SYT9: variants seen among roughly 807,000 people sequenced by gnomAD.
SYT9 encodes synaptotagmin-9.
A neutral mutation model predicts 48.4 loss-of-function variants in SYT9; 22 were observed. The observed-to-expected ratio is 0.45, with a 90% CI of 0.32 to 0.65. The LOEUF (loss-of-function observed/expected upper bound fraction) is 0.65. Among genes scored for constraint, SYT9 ranks in the 30% least tolerant of loss-of-function variants. The pLI, the probability that SYT9 is intolerant of heterozygous loss-of-function variation, is 0.03. For missense variants in SYT9, 577 were observed against 622.0 expected, an observed-to-expected ratio of 0.93 and a Z score of 0.77; for synonymous variants, 265 against 245.0, an observed-to-expected ratio of 1.08 and a Z score of -0.76.
chr11:7,251,132 A>ACACACACACC (rs146134507), upstream of SYT9, among the ~76,000 whole-genome samples: 674 of 127,918 alleles, frequency 5.3e-3, 3 homozygotes, highest in African/African-American at 0.015. Flanking sequence ...ACACACACAC[A>ACACACACACC]CCCAGAGTAC....
At position 7,252,986 on chromosome 11, in the gene SYT9, G is replaced by A. The variant is rs193139588; in HGVS notation, c.145+655G>A. On this transcript the variant is annotated intron_variant, in intron 1 of 6. Transcript: ENST00000318881. This position sits in a 1 kb window ranked among gnomAD's most constrained non-coding sequence, Gnocchi z 6.3. Reference sequence around the variant, plus strand: ...ACCAGCGACTACCGCCGGCCACGATGGGGTTCGTAGACTCGTCGGTCCTGG... The same window carrying A: ...ACCAGCGACTACCGCCGGCCACGATAGGGTTCGTAGACTCGTCGGTCCTGG... Among the ~76,000 whole-genome samples, 350 of 152,364 alleles carry A rather than the reference G, an allele frequency of 2.3e-3. 1 individual carries two copies. The highest frequency in any genetic ancestry group is 3.4e-3 in the Non-Finnish European group (228 of 68,040).
chr11:7,455,304 T>C (rs959535156), intron 6 of SYT9, among the ~76,000 whole-genome samples: 1 of 151,756 alleles, frequency 6.6e-6, no homozygotes, highest in Non-Finnish European at 1.5e-5. Flanking sequence ...TAGATGTGTA[T>C]ATTCCATACA....
intron 3 of SYT9, among the ~76,000 whole-genome samples, chr11:7,388,702 T>C (rs188676877): frequency 7.9e-4 from 121 of 152,322 alleles, no homozygotes; most frequent in African/African-American, 2.8e-3. Context: ...TGTATATCTG[T>C]TTTTCATCCT....
chr11:7,323,964 C>T (rs1306576741), intron 3 of SYT9, among the ~76,000 whole-genome samples: 1 of 151,792 alleles, frequency 6.6e-6, no homozygotes, highest in Non-Finnish European at 1.5e-5. Context: ...CACATTATCT[C>T]TTTTCCTAGT....
At chr11:7,352,371 G>A (rs928435179) in intron 3 of SYT9, among the ~76,000 whole-genome samples, 2 of 152,072 alleles carry the variant, frequency 1.3e-5, no homozygotes, top group South Asian at 2.1e-4. Flanking sequence ...ATCTACACTG[G>A]GCTTGACAGA....
intron 6 of SYT9, among the ~76,000 whole-genome samples, chr11:7,432,582 A>AAATAT (rs1847619483): frequency 2.8e-4 from 1 of 3,512 alleles, no homozygotes; most frequent in African/African-American, 9.7e-4. Context: ...AAAAAAAAAA[A>AAATAT]ATATATATAC....
At chr11:7,442,284 C>T (rs933803971) in intron 6 of SYT9, among the ~76,000 whole-genome samples, 3 of 152,184 alleles carry the variant, frequency 2.0e-5, no homozygotes, top group African/African-American at 7.2e-5. Context: ...CGAAGAGGGG[C>T]TGGAGAACAC....
rs113240502 is a variant in SYT9, at chr11:7,303,085, C to T, written c.192C>T (p.Leu64=). The change falls in exon 2 of 7, where the codon CTC becomes CTT. Residue 64 remains leucine, a synonymous_variant. Transcript: ENST00000318881. ...LLTLVVTACG[L]ALFGVSLFVS... ...CCCTTGTGGTCACTGCCTGTGGTCTCGCTCTCTTTGGCGTGTCTCTCTTCG... is the reference window on the plus strand; with the variant it reads ...CCCTTGTGGTCACTGCCTGTGGTCTTGCTCTCTTTGGCGTGTCTCTCTTCG... 1,333 of 1,614,222 alleles carry T rather than the reference C, an allele frequency of 8.3e-4. 15 individuals carry two copies. In the African/African-American group the frequency reaches 0.014, roughly 16 times the overall value.
In SYT9 at chr11:7,313,524, T is replaced by TAA; in HGVS notation, c.628_629dup (p.Asn210LysfsTer16). On this transcript the variant is annotated frameshift_variant, in exon 3 of 7. Transcript: ENST00000318881. LOFTEE classifies it high-confidence loss of function. ...AGTTATATAAGCAGAGGTCATTGGA[T>TAA]AATGATGACGGGAGACGGAGTAACA... 1 of 1,614,164 alleles carries TAA rather than the reference T, an allele frequency of 6.2e-7. No individual in the cohort carries two copies. The highest frequency in any genetic ancestry group is 8.5e-7 in the Non-Finnish European group (1 of 1,180,000).
chr11:7,277,804 G>A (rs1589907717), intron 1 of SYT9, among the ~76,000 whole-genome samples: 1 of 152,128 alleles, frequency 6.6e-6, no homozygotes. Flanking sequence ...ATTTTAAGTT[G>A]AACAATTCTA....
At chr11:7,239,724 A>G (rs1847721616) in intron 1 of SYT9, among the ~76,000 whole-genome samples, 1 of 152,170 alleles carries the variant, frequency 6.6e-6, no homozygotes, top group Non-Finnish European at 1.5e-5. Context: ...GGAGAGAAGG[A>G]CACACCTAAA....
intron 6 of SYT9, chr11:7,435,538 A>C (rs934291734): frequency 2.6e-5 from 4 of 152,254 alleles, no homozygotes; most frequent in African/African-American, 9.6e-5. Flanking sequence ...AGAATTAAGA[A>C]TAATATAACA....
intron 3 of SYT9, among the ~76,000 whole-genome samples, chr11:7,340,662 G>C (rs889599763): frequency 2.6e-5 from 4 of 152,188 alleles, no homozygotes; most frequent in African/African-American, 9.7e-5. Context: ...CTGTACTGGA[G>C]GTCTGGACAA....
chr11:7,252,143 C>T lies in SYT9; in HGVS notation c.-44C>T. The T allele has an allele frequency of 2.2e-6, 3 of 1,378,598 alleles. No individual in the cohort carries two copies. The highest frequency in any genetic ancestry group is 2.8e-6 in the Non-Finnish European group (3 of 1,070,934). 85.4% of individuals were successfully genotyped at this position (1,378,598 alleles called of 1,614,324 possible). A position where few individuals can be genotyped will look rare whatever the true frequency, so the allele number is the denominator to read the frequency against. ...TGAGCTGGCAGGCGGAGGGCTGTCTCCTGCGCCCGCCTGCCCGGCGCGGTC... is the reference window on the plus strand; with the variant it reads ...TGAGCTGGCAGGCGGAGGGCTGTCTTCTGCGCCCGCCTGCCCGGCGCGGTC... On this transcript the variant is annotated 5_prime_UTR_variant, in exon 1 of 7. Coordinates refer to ENST00000318881, the MANE Select transcript of SYT9 (RefSeq NM_175733.4). The surrounding 1 kb of genome is among the most constrained non-coding windows in gnomAD (Gnocchi z 6.3).
intron 6 of SYT9, among the ~76,000 whole-genome samples, chr11:7,447,922 A>C (rs961635882): frequency 3.9e-5 from 6 of 152,162 alleles, no homozygotes; most frequent in Non-Finnish European, 7.4e-5. Flanking sequence ...GAAGTGTGCA[A>C]ATTCCTTCCT....
chr11:7,384,299 T>C (rs1850617916), intron 3 of SYT9, among the ~76,000 whole-genome samples: 1 of 152,160 alleles, frequency 6.6e-6, no homozygotes, highest in Non-Finnish European at 1.5e-5. Context: ...TTCTCTTATA[T>C]CTAATTGGCT....
intron 3 of SYT9, among the ~76,000 whole-genome samples, chr11:7,337,969 CG>C (rs1301923223): frequency 2.0e-5 from 3 of 152,102 alleles, no homozygotes; most frequent in Admixed American, 6.5e-5. Flanking sequence ...TGGTAGAATT[CG>C]GCTATGAATC....
chr11:7,274,935 T>C (rs111359501), intron 1 of SYT9, among the ~76,000 whole-genome samples: 535 of 152,094 alleles, frequency 3.5e-3, no homozygotes, highest in African/African-American at 0.013. Context: ...TACAATGTTT[T>C]CCATCACACC....
At chr11:7,330,592 G>A (rs1849510638) in intron 3 of SYT9, among the ~76,000 whole-genome samples, 2 of 152,174 alleles carry the variant, frequency 1.3e-5, no homozygotes, top group African/African-American at 4.8e-5. Context: ...TGTCTATCTA[G>A]GAAGATATAG....
Sources: gnomAD v4.1 joint callset for allele counts (sites outside exome capture counted in the v4.1 genomes callset) on GRCh38, gnomAD v4.1.1 for gene constraint, Gnocchi (gnomAD v3.1) non-coding constraint, MANE v1.5 for transcripts, NCBI Gene and HGNC (gene_info 2026-07-23, HGNC 2026-07-21) for gene names.